Variants in MFSD1 observed in about 807,000 individuals in gnomAD.
The protein encoded by MFSD1 is lysosomal dipeptide transporter MFSD1.
In MFSD1, 59 loss-of-function variants were observed where a neutral mutation model predicts 67.1. The ratio of observed to expected loss-of-function variants is 0.88; its 90% CI spans 0.71 to 1.09. The LOEUF is 1.09. Ranked by LOEUF, MFSD1 falls within the 50% of genes least tolerant of loss-of-function variation. The pLI is 0.00. For missense variants in MFSD1, 552 were observed against 566.1 expected (o/e 0.97, Z 0.25); for synonymous variants, 213 against 200.3 (o/e 1.06, Z -0.54).
intron 6 of MFSD1, among the ~76,000 whole-genome samples, chr3:158,810,478 A>C (rs1729948150): frequency 6.6e-6 from 1 of 152,226 alleles, no homozygotes; most frequent in South Asian, 2.1e-4. Context: ...ATAATACTTC[A>C]TCATATGAGT....
chr3:158,827,027 GA>G (rs1731006672), intron 14 of MFSD1, among the ~76,000 whole-genome samples: 1 of 152,140 alleles, frequency 6.6e-6, no homozygotes, highest in Non-Finnish European at 1.5e-5. Context: ...AACAACACTT[GA>G]AGCAATACAT....
intron 7 of MFSD1, among the ~76,000 whole-genome samples, chr3:158,817,848 A>C (rs1251717352): frequency 1.3e-5 from 2 of 152,200 alleles, no homozygotes; most frequent in African/African-American, 2.4e-5. Context: ...GACGTCTTGT[A>C]GTGTCTTTTA....
At chr3:158,819,048 A>T (rs760601578) in intron 7 of MFSD1, among the ~76,000 whole-genome samples, 7 of 152,204 alleles carry the variant, frequency 4.6e-5, no homozygotes, top group Non-Finnish European at 1.0e-4. Context: ...TCTTTTGGAA[A>T]TTCTTCCTGA....
chr3:158,827,976 G>GAGAGACAGAGAC (rs1553759912), intron 15 of MFSD1, among the ~76,000 whole-genome samples: 1 of 78,874 alleles, frequency 1.3e-5, no homozygotes, highest in Non-Finnish European at 2.5e-5. Context: ...GAGAGAGAGA[G>GAGAGACAGAGAC]AGACAGAGAT....
chr3:158,804,826 A>T (rs1223840760), intron 2 of MFSD1, among the ~76,000 whole-genome samples: 1 of 152,188 alleles, frequency 6.6e-6, no homozygotes, highest in East Asian at 1.9e-4. Context: ...TTGTAAGAAC[A>T]TACTTGATAT....
chr3:158,809,388 A>C, intron 6 of MFSD1, 101 bp downstream of exon 6: 2 of 740,080 alleles, frequency 2.7e-6, no homozygotes, highest in Non-Finnish European at 4.4e-6. Flanking sequence ...GTGTATGGTA[A>C]ATTAGATATT....
At chr3:158,811,962 T>G (rs548752585) in intron 6 of MFSD1, among the ~76,000 whole-genome samples, 28 of 152,322 alleles carry the variant, frequency 1.8e-4, no homozygotes, top group African/African-American at 6.7e-4. Flanking sequence ...AAAATCTCTT[T>G]TAACTATTTA....
At chr3:158,828,950 T>C in intron 15 of MFSD1, 29 bp from the exon 16 acceptor site, 1 of 1,596,414 alleles carries the variant, frequency 6.3e-7, no homozygotes, top group Non-Finnish European at 8.5e-7. Flanking sequence ...TTCTTCCTCT[T>C]TGGTAATTTA....
intron 7 of MFSD1, 121 bp downstream of exon 7, chr3:158,814,188 G>A: frequency 1.6e-6 from 1 of 624,072 alleles, no homozygotes; most frequent in Non-Finnish European, 2.8e-6. Flanking sequence ...TGTCTCCATG[G>A]TTCTAATGAA....
chr3:158,810,309 TA>T (rs1005251910), intron 6 of MFSD1, among the ~76,000 whole-genome samples: 5 of 152,112 alleles, frequency 3.3e-5, no homozygotes, highest in African/African-American at 9.6e-5. Flanking sequence ...AATAGAGTAT[TA>T]AAAAAAAATT....
At chr3:158,815,192 C>G (rs1368347050) in intron 7 of MFSD1, among the ~76,000 whole-genome samples, 1 of 152,154 alleles carries the variant, frequency 6.6e-6, no homozygotes, top group Non-Finnish European at 1.5e-5. Context: ...GTCAGTGTGC[C>G]TGGAAAGCTT....
At chr3:158,814,352 GCT>G (rs1430582879) in intron 7 of MFSD1, among the ~76,000 whole-genome samples, 1 of 152,034 alleles carries the variant, frequency 6.6e-6, no homozygotes, top group Non-Finnish European at 1.5e-5. Context: ...ACAGAGTCTT[GCT>G]CTGTCGCTCA....
At position 158,823,413 on chromosome 3, in the gene MFSD1, C is replaced by T. The variant is rs139849998; in HGVS notation, c.1078-15C>T. On this transcript the variant is annotated splice_polypyrimidine_tract_variant and intron_variant, in intron 11 of 15. Transcript: ENST00000415822. ...TAATGTAAGACTGTGACCTTTTCTG[C>T]GTTGCTTTCTGTAGTGTCTTCTGGG... The T allele has an allele frequency of 1.2e-4, 187 of 1,566,486 alleles. No homozygotes were observed. The highest frequency in any genetic ancestry group is 1.6e-4 in the East Asian group (7 of 44,640).
chr3:158,802,881 A>G (rs1220790515), intron 1 of MFSD1, among the ~76,000 whole-genome samples: 2 of 152,038 alleles, frequency 1.3e-5, no homozygotes, highest in African/African-American at 4.8e-5. Flanking sequence ...TATTATTATT[A>G]TTTTTAGACA....
At chr3:158,802,825 C>G (rs149102508) in intron 1 of MFSD1, among the ~76,000 whole-genome samples, 2 of 152,124 alleles carry the variant, frequency 1.3e-5, no homozygotes, top group Non-Finnish European at 2.9e-5. Context: ...CTCAGCCTCC[C>G]GAGTAGCTGG....
Position 158,807,466 on chromosome 3 carries a change from A to C in MFSD1, c.440+3A>C, listed in dbSNP as rs1729787132. On this transcript the variant is annotated splice_donor_region_variant and intron_variant, in intron 5 of 15. Transcript: ENST00000415822. ...GAATTTGGAAGATTTGTATTTGGGTAAGTTATGCATAATTTAATTTATCCT... is the reference window on the plus strand; with the variant it reads ...GAATTTGGAAGATTTGTATTTGGGTCAGTTATGCATAATTTAATTTATCCT... 6.2e-7 allele frequency: 1 copy of C among 1,602,130 alleles called. No homozygotes were observed. Among genetic ancestry groups the C allele is most frequent in the Admixed American group, 1.7e-5 (1 of 59,936 alleles).
intron 15 of MFSD1, among the ~76,000 whole-genome samples, chr3:158,827,910 GA>G (rs763515828): frequency 0.1 from 9,564 of 94,976 alleles, 453 homozygotes; most frequent in Middle Eastern, 0.17. Flanking sequence ...GAGAGAGAGA[GA>G]GGGGGAGAGA....
At chr3:158,823,598 A>T in intron 12 of MFSD1, 73 bp downstream of exon 12, 1 of 1,115,160 alleles carries the variant, frequency 9.0e-7, no homozygotes, top group Non-Finnish European at 1.4e-6. Context: ...AAAACTCCAG[A>T]TCTGAATCTA....
chr3:158,817,275 AGGGTATTCAATTAG>A (rs1730415628), intron 7 of MFSD1, among the ~76,000 whole-genome samples: 1 of 152,172 alleles, frequency 6.6e-6, no homozygotes, highest in South Asian at 2.1e-4. Context: ...AAGGAAATAA[AGGGTATTCAATTAG>A]GAAAAGAGGA....
Sources: gnomAD v4.1 joint callset for allele counts (sites outside exome capture counted in the v4.1 genomes callset) on GRCh38, gnomAD v4.1.1 for gene constraint, MANE v1.5 for transcripts, NCBI Gene and HGNC (gene_info 2026-07-23, HGNC 2026-07-21) for gene names.